KIAA1217: variants seen among roughly 807,000 people sequenced by gnomAD.
KIAA1217 encodes the protein sickle tail protein homolog.
A neutral mutation model predicts 163.9 loss-of-function variants in KIAA1217; 88 were observed. That is an observed-to-expected ratio of 0.54 (90% CI 0.45 to 0.64). KIAA1217 has a LOEUF of 0.64. Among genes scored for constraint, KIAA1217 ranks in the 30% least tolerant of loss-of-function variants. KIAA1217 has a pLI of 0.00. For missense variants in KIAA1217, 2,372 were observed against 2,475.0 expected (o/e 0.96, Z 0.88); for synonymous variants, 903 against 923.1 (o/e 0.98, Z 0.39).
chr10:24,526,151 C>T (rs373470303), intron 13 of KIAA1217, among the ~76,000 whole-genome samples: 3 of 152,136 alleles, frequency 2.0e-5, no homozygotes, highest in South Asian at 2.1e-4. Context: ...ACAACCTTGT[C>T]GTAACCCTCC....
intron 2 of KIAA1217, among the ~76,000 whole-genome samples, chr10:24,109,703 TA>T (rs1245075215): frequency 6.6e-6 from 1 of 152,086 alleles, no homozygotes; most frequent in East Asian, 1.9e-4. Flanking sequence ...GGAATAAATG[TA>T]AAAAGAACGA....
At chr10:24,379,772 C>T (rs931750526) in intron 2 of KIAA1217, among the ~76,000 whole-genome samples, 5 of 152,060 alleles carry the variant, frequency 3.3e-5, no homozygotes, top group African/African-American at 7.2e-5. Flanking sequence ...TTAATAAGGC[C>T]GGGCATGGTA....
At chr10:23,767,663 A>C (rs1165458620) in intron 1 of KIAA1217, among the ~76,000 whole-genome samples, 1 of 152,166 alleles carries the variant, frequency 6.6e-6, no homozygotes, top group Admixed American at 6.5e-5. Flanking sequence ...GAGGAGGAAG[A>C]GGCCGTGAAC....
chr10:24,545,771 G>C, intron 20 of KIAA1217, 56 bp from the exon 21 acceptor site: 12 of 1,541,034 alleles, frequency 7.8e-6, no homozygotes, highest in Non-Finnish European at 1.0e-5. Context: ...AGGCCCTGTG[G>C]GTTGATCATG....
At chr10:23,948,007 CTGATA>C (rs1844137461) in intron 1 of KIAA1217, among the ~76,000 whole-genome samples, 1 of 152,188 alleles carries the variant, frequency 6.6e-6, no homozygotes, top group African/African-American at 2.4e-5. Flanking sequence ...TCCACCTAAT[CTGATA>C]TGTTATCTGA....
chr10:23,700,222 A>G (rs1186939538), intron 1 of KIAA1217, among the ~76,000 whole-genome samples: 1 of 152,086 alleles, frequency 6.6e-6, no homozygotes, highest in Non-Finnish European at 1.5e-5. Context: ...TCATCCTCTT[A>G]CAGAAAGCAT....
intron 2 of KIAA1217, among the ~76,000 whole-genome samples, chr10:24,290,319 A>G (rs1337012479): frequency 6.6e-6 from 1 of 152,190 alleles, no homozygotes; most frequent in African/African-American, 2.4e-5. Context: ...TCTTACTTGC[A>G]TTAAAAATAT....
chr10:23,996,309 G>A (rs1359543182), intron 1 of KIAA1217, among the ~76,000 whole-genome samples: 1 of 152,164 alleles, frequency 6.6e-6, no homozygotes, highest in East Asian at 1.9e-4. Flanking sequence ...TTCTTGCCTC[G>A]GATTGACAGG....
chr10:24,214,212 G>A (rs1213190938), intron 1 of KIAA1217, among the ~76,000 whole-genome samples: 1 of 152,158 alleles, frequency 6.6e-6, no homozygotes, highest in East Asian at 1.9e-4. Context: ...GATGCTGTAG[G>A]ATTCTGCGGC....
At chr10:24,372,477 C>T (rs2051807848) in intron 2 of KIAA1217, among the ~76,000 whole-genome samples, 1 of 151,988 alleles carries the variant, frequency 6.6e-6, no homozygotes, top group African/African-American at 2.4e-5. Flanking sequence ...GCTTTGAGAC[C>T]AGAACAATTT....
At chr10:24,261,781 G>C (rs923632801) in intron 2 of KIAA1217, among the ~76,000 whole-genome samples, 1 of 152,166 alleles carries the variant, frequency 6.6e-6, no homozygotes, top group Non-Finnish European at 1.5e-5. Flanking sequence ...GGGAAGAGTT[G>C]TAGGTCCTGC....
intron 2 of KIAA1217, among the ~76,000 whole-genome samples, chr10:24,067,471 C>T (rs11595948): frequency 0.023 from 3,498 of 152,246 alleles, 55 homozygotes; most frequent in South Asian, 0.045. Context: ...ATTGGTGAAC[C>T]GCAAATGCTG....
intron 2 of KIAA1217, among the ~76,000 whole-genome samples, chr10:24,176,806 T>C (rs927403065): frequency 2.6e-5 from 4 of 152,120 alleles, no homozygotes; most frequent in African/African-American, 4.8e-5. Flanking sequence ...GCTCAAGCCA[T>C]GCGGTAGCCC....
At chr10:24,012,255 G>A (rs1847264401) in intron 2 of KIAA1217, among the ~76,000 whole-genome samples, 1 of 152,024 alleles carries the variant, frequency 6.6e-6, no homozygotes, top group Non-Finnish European at 1.5e-5. Flanking sequence ...CCATTGAAAT[G>A]GGTCACAATA....
chr10:23,915,065 G>GA (rs1434340445), intron 1 of KIAA1217, among the ~76,000 whole-genome samples: 2 of 150,604 alleles, frequency 1.3e-5, no homozygotes, highest in East Asian at 3.9e-4. Context: ...CAAGAAATAA[G>GA]AAAAGAAAAA....
intron 5 of KIAA1217, among the ~76,000 whole-genome samples, chr10:24,472,143 G>C (rs1041053405): frequency 6.6e-6 from 1 of 152,112 alleles, no homozygotes; most frequent in Non-Finnish European, 1.5e-5. Flanking sequence ...TCATCATAAA[G>C]GTCTTCATCC....
intron 13 of KIAA1217, among the ~76,000 whole-genome samples, chr10:24,525,873 C>A (rs534349810): frequency 6.6e-6 from 1 of 152,148 alleles, no homozygotes; most frequent in East Asian, 1.9e-4. Flanking sequence ...GCCTGTAGCC[C>A]CAGCTACTCA....
chr10:24,151,665 C>A (rs963883422), intron 2 of KIAA1217, among the ~76,000 whole-genome samples: 2 of 151,712 alleles, frequency 1.3e-5, no homozygotes, highest in African/African-American at 2.4e-5. Flanking sequence ...TTCTTCCCTG[C>A]TGAAATCCCT....
chr10:24,120,883 G>A (rs1280530615), intron 2 of KIAA1217, among the ~76,000 whole-genome samples: 1 of 152,150 alleles, frequency 6.6e-6, no homozygotes, highest in Non-Finnish European at 1.5e-5. Context: ...AGATGATGAT[G>A]AGGAAGATGT....
Sources: allele counts gnomAD v4.1 joint callset (sites outside exome capture counted in the v4.1 genomes callset), GRCh38; gene constraint gnomAD v4.1.1; transcripts MANE v1.5; gene names NCBI Gene and HGNC (gene_info 2026-07-23, HGNC 2026-07-21).